CCDC175: variants seen among roughly 807,000 people sequenced by gnomAD.
CCDC175 encodes coiled-coil domain-containing protein 175.
In CCDC175, 100 loss-of-function variants were observed where a neutral mutation model predicts 114.6. The ratio of observed to expected loss-of-function variants is 0.87; its 90% confidence interval spans 0.74 to 1.03. The LOEUF is 1.03. CCDC175 is among the 50% of genes least tolerant of loss of function. The probability of loss-of-function intolerance (pLI) is 0.00; values close to 1 mark genes in which losing one functional copy is unlikely to be tolerated. For synonymous variants in CCDC175, 306 were observed against 308.7 expected, an observed-to-expected ratio of 0.99 and a Z score of 0.09; for missense variants, 880 against 917.8, an observed-to-expected ratio of 0.96 and a Z score of 0.53.
chr14:59,515,774 C>T (rs1442092832), intron 17 of CCDC175, among the ~76,000 whole-genome samples: 1 of 152,176 alleles, frequency 6.6e-6, no homozygotes, highest in Admixed American at 6.5e-5. Flanking sequence ...AGAAAGTTAG[C>T]AAGAATATCC....
At position 59,508,706 on chromosome 14, in the gene CCDC175, T is replaced by TG. The variant is rs1892589174; in HGVS notation, c.2305+1939dup. Among the ~76,000 whole-genome samples, 3 of 152,174 alleles carry TG rather than the reference T, an allele frequency of 2.0e-5. No homozygotes were observed. In the South Asian group the frequency reaches 6.2e-4, roughly 32 times the overall value. On this transcript the variant is annotated intron_variant, in intron 19 of 19. Transcript: ENST00000537690. ...TGGCCTTTGGGAGGTGATTAGGTCT[T>TG]GGGATTCGTGCCCTTATCAAAGAGG...
At chr14:59,574,161 A>G (rs1351336128) in intron 2 of CCDC175, among the ~76,000 whole-genome samples, 1 of 152,226 alleles carries the variant, frequency 6.6e-6, no homozygotes, top group Non-Finnish European at 1.5e-5. Context: ...AGATATATAT[A>G]TGTGTATAAT....
chr14:59,534,587 T>C (rs1056174191), intron 13 of CCDC175, among the ~76,000 whole-genome samples: 1 of 152,200 alleles, frequency 6.6e-6, no homozygotes, highest in Non-Finnish European at 1.5e-5. Context: ...TCAAGTCCTA[T>C]AATAAACCCT....
Position 59,518,779 on chromosome 14 carries a change from A to T in CCDC175, c.2098+2795T>A, listed in dbSNP as rs539672548. Among the ~76,000 whole-genome samples, 879 of 152,182 alleles carry T rather than the reference A, an allele frequency of 5.8e-3. 10 individuals carry two copies. Among genetic ancestry groups the T allele is most frequent in the African/African-American group, 0.02 (828 of 41,508 alleles). ...GTGTGGTGATTCCTCAGGGATCTAG[A>T]ACTAGAAATACCATTTGACCCAGCC... On this transcript the variant is annotated intron_variant, in intron 17 of 19. Transcript: ENST00000537690.
chr14:59,561,877 C>A (rs756681423), intron 6 of CCDC175, among the ~76,000 whole-genome samples: 47 of 152,182 alleles, frequency 3.1e-4, no homozygotes, highest in Non-Finnish European at 5.4e-4. Flanking sequence ...GAAGCTTAGA[C>A]AAGGCTGATC....
At chr14:59,517,259 C>G (rs1281920608) in intron 17 of CCDC175, among the ~76,000 whole-genome samples, 2 of 152,128 alleles carry the variant, frequency 1.3e-5, no homozygotes, top group Admixed American at 6.5e-5. Context: ...AAAACTGGTA[C>G]AAGACAGGGA....
intron 15 of CCDC175, among the ~76,000 whole-genome samples, chr14:59,525,817 T>C (rs1376724327): frequency 6.6e-6 from 1 of 152,180 alleles, no homozygotes; most frequent in Non-Finnish European, 1.5e-5. Context: ...ACTACTAACA[T>C]AGCATTTACA....
intron 10 of CCDC175, among the ~76,000 whole-genome samples, chr14:59,542,649 T>C (rs1459314813): frequency 6.6e-6 from 1 of 152,074 alleles, no homozygotes; most frequent in Non-Finnish European, 1.5e-5. Context: ...AAGATTGAGA[T>C]ATATTGAGAA....
rs1393441732 is a variant in CCDC175 at position 59,538,007 on chromosome 14, G to A, written c.1623+16C>T. The A allele has an allele frequency of 8.0e-6, 12 of 1,500,614 alleles. No homozygotes were observed. The highest frequency in any genetic ancestry group is 1.1e-5 in the Non-Finnish European group (12 of 1,117,712). The allele number at this position is 1,500,614 out of a possible 1,614,324, so 93.0% of individuals were successfully genotyped here. A position where few individuals can be genotyped will look rare whatever the true frequency, so the allele number is the denominator to read the frequency against. ...TAGTCATCCAAAAGTATTCTTAGAT[G>A]CAAAATAAAATTTACCTCATACTTG... On this transcript the variant is annotated intron_variant, in intron 13 of 19. Transcript: ENST00000537690.
Position 59,565,120 on chromosome 14 carries a change from A to G in CCDC175, c.647T>C (p.Ile216Thr). Residue 216 changes from isoleucine (I) to threonine (T), a missense_variant, in exon 5 of 20, where the codon ATT becomes ACT. By Grantham distance (89) the Ile-to-Thr change is moderately conservative. Transcript: ENST00000537690. The stretch of plus-strand genomic sequence containing the variant: ...TTCCATTAGCTCCTCTGCCTCTTGA[A>G]TACATTTTTTTTGCAATGCTATGTC... The part of the protein sequence containing the change: ...REDIALQKKC[I>T]QEAEELMEKE... 6.5e-7 allele frequency: 1 copy of G among 1,537,818 alleles called. No individual in the cohort carries two copies. The highest frequency in any genetic ancestry group is 8.7e-7 in the Non-Finnish European group (1 of 1,147,038).
At chr14:59,526,533 G>A (rs1265121974) in intron 15 of CCDC175, among the ~76,000 whole-genome samples, 1 of 147,628 alleles carries the variant, frequency 6.8e-6, no homozygotes, top group Non-Finnish European at 1.5e-5. Flanking sequence ...TCGAGCCTGG[G>A]CAACAGAGTG....
intron 8 of CCDC175, among the ~76,000 whole-genome samples, chr14:59,549,719 C>CAAAAAAAAAAAAAAAAAAAAAAAAAA (rs370269871): frequency 1.1e-5 from 1 of 89,596 alleles, no homozygotes; most frequent in African/African-American, 4.3e-5. Context: ...GACTATGTCT[C>CAAAAAAAAAAAAAAAAAAAAAAAAAA]AAAAAAAAAA....
At chr14:59,519,446 C>T (rs1893300630) in intron 17 of CCDC175, among the ~76,000 whole-genome samples, 1 of 152,128 alleles carries the variant, frequency 6.6e-6, no homozygotes, top group Non-Finnish European at 1.5e-5. Context: ...ACAAAAAGTA[C>T]TACCTTAAAA....
Position 59,576,685 on chromosome 14 carries a change from A to G in CCDC175, c.91T>C (p.Cys31Arg), listed in dbSNP as rs762850170. The change falls in exon 1 of 20, where the codon TGC becomes CGC. Residue 31 changes from cysteine to arginine, a missense_variant. Coordinates refer to ENST00000537690, the MANE Select transcript of CCDC175 (RefSeq NM_001164399.2). Reference sequence around the variant, plus strand: ...GAGCCCAGGGTGGAGGGTAAGGTGCATAACTCCAGGGAGGGGCCAGTGGAG... The same window carrying G: ...GAGCCCAGGGTGGAGGGTAAGGTGCGTAACTCCAGGGAGGGGCCAGTGGAG... Reference protein sequence around the residue: ...AVSTGPSLELCTLPSTLGSSV... With the variant: ...AVSTGPSLELRTLPSTLGSSV... 2.7e-6 allele frequency: 4 copies of G among 1,488,210 alleles called. No individual in the cohort carries two copies. Among genetic ancestry groups the G allele is most frequent in the African/African-American group, 1.4e-5 (1 of 69,254 alleles). 92.2% of individuals were successfully genotyped at this position (1,488,210 alleles called of 1,614,324 possible).
chr14:59,568,440 G>C (rs79878298), intron 3 of CCDC175, 60 bp from the exon 4 acceptor site: 1 of 1,292,688 alleles, frequency 7.7e-7, no homozygotes, highest in African/African-American at 1.6e-5. Flanking sequence ...TGTAGATACT[G>C]ACTTTCACGC....
At chr14:59,561,785 T>G (rs1193913107) in intron 6 of CCDC175, among the ~76,000 whole-genome samples, 1 of 152,226 alleles carries the variant, frequency 6.6e-6, no homozygotes, top group South Asian at 2.1e-4. Context: ...ACCGACATTT[T>G]TGCAATGCAA....
At chr14:59,574,000 T>C (rs1307473420) in intron 2 of CCDC175, among the ~76,000 whole-genome samples, 1 of 152,154 alleles carries the variant, frequency 6.6e-6, no homozygotes, top group Non-Finnish European at 1.5e-5. Flanking sequence ...TATTTTGGCC[T>C]CTTAAAATCC....
intron 17 of CCDC175, among the ~76,000 whole-genome samples, chr14:59,516,141 C>A (rs1893069791): frequency 6.6e-6 from 1 of 152,134 alleles, no homozygotes; most frequent in African/African-American, 2.4e-5. Context: ...CACGACATAC[C>A]AGAATCTCTG....
At chr14:59,538,976 C>T (rs1696699340) in intron 11 of CCDC175, 136 bp from the exon 12 acceptor site, 1 of 692,434 alleles carries the variant, frequency 1.4e-6, no homozygotes, top group Admixed American at 3.6e-5. Context: ...AGACTACACA[C>T]ATTGCATGAA....
Sources: allele counts gnomAD v4.1 joint callset (sites outside exome capture counted in the v4.1 genomes callset), GRCh38; gene constraint gnomAD v4.1.1; transcripts MANE v1.5; gene names NCBI Gene and HGNC (gene_info 2026-07-23, HGNC 2026-07-21).